Variants in ABCG1 observed in about 807,000 individuals in gnomAD.
The protein encoded by ABCG1 is ATP-binding cassette sub-family G member 1.
Under a neutral mutation model 69.2 loss-of-function variants are expected in ABCG1, and 29 were observed. The observed-to-expected ratio is 0.42, with a 90% CI of 0.31 to 0.57. The LOEUF is 0.57. Among genes scored for constraint, ABCG1 ranks in the 20% least tolerant of loss-of-function variants. ABCG1 has a pLI of 0.15. For missense variants in ABCG1, 718 were observed against 898.1 expected (o/e 0.80, Z 2.56); for synonymous variants, 370 against 374.8 (o/e 0.99, Z 0.15).
chr21:42,226,074 A>G (rs1399046831), intron 2 of ABCG1, among the ~76,000 whole-genome samples, 160 bp downstream of exon 2: 1 of 151,856 alleles, frequency 6.6e-6, no homozygotes, highest in African/African-American at 2.4e-5. Context: ...TTCTGCCTGA[A>G]TTTTCCTCTC....
intron 2 of ABCG1, chr21:42,256,057 C>A (rs1246407158): frequency 4.0e-6 from 4 of 999,668 alleles, no homozygotes; most frequent in Non-Finnish European, 5.2e-6. Context: ...AGTCAGGTGC[C>A]TTGACTTGGA....
At position 42,273,441 on chromosome 21, in the gene ABCG1, C is replaced by T. The variant is rs771182864; in HGVS notation, c.537+6C>T. The T allele has an allele frequency of 3.1e-6, 5 of 1,612,326 alleles. No homozygotes were observed. In the South Asian group the frequency reaches 5.5e-5, roughly 18 times the overall value. ...CTGTGCAGGAGGCCATGATGGTGAGCTCCGCCCTGCCCCGCCCCACTCCGC... is the reference window on the plus strand; with the variant it reads ...CTGTGCAGGAGGCCATGATGGTGAGTTCCGCCCTGCCCCGCCCCACTCCGC... On this transcript the variant is annotated splice_donor_region_variant and intron_variant, in intron 4 of 14. Transcript: ENST00000398449. This position sits in a 1 kb window ranked among gnomAD's most constrained non-coding sequence, Gnocchi z 5.3.
At chr21:42,240,400 T>C (rs1399220869) in intron 2 of ABCG1, among the ~76,000 whole-genome samples, 1 of 152,264 alleles carries the variant, frequency 6.6e-6, no homozygotes, top group Admixed American at 6.5e-5. Flanking sequence ...TTCAGTGAAC[T>C]TGAAACATTA....
intron 5 of ABCG1, among the ~76,000 whole-genome samples, chr21:42,281,315 G>A (rs1181702186): frequency 6.6e-6 from 1 of 152,186 alleles, no homozygotes; most frequent in African/African-American, 2.4e-5. Flanking sequence ...AATGCTGGAG[G>A]GAGCTCCAGG....
chr21:42,291,592 C>A lies in ABCG1; in HGVS notation c.1589C>A (p.Thr530Asn). The part of the protein sequence containing the change: ...VRFVLFAALG[T>N]MTSLVAQSLG... ...TTTGTGCTGTTTGCCGCGCTGGGCACCATGACCTCCCTGGTGGCACAGTCC... is the reference window on the plus strand; with the variant it reads ...TTTGTGCTGTTTGCCGCGCTGGGCAACATGACCTCCCTGGTGGCACAGTCC... Residue 530 changes from threonine (T) to asparagine (N), a missense_variant, in exon 13 of 15, where the codon ACC (threonine) becomes AAC (asparagine). By Grantham distance (65) the Thr-to-Asn change is moderately conservative (BLOSUM62 0). Transcript: ENST00000398449. The surrounding 1 kb of genome is among the most constrained non-coding windows in gnomAD (Gnocchi z 6.4). 1 of 1,611,564 alleles carries A rather than the reference C, an allele frequency of 6.2e-7. No homozygotes were observed. Among genetic ancestry groups the A allele is most frequent in the East Asian group, 2.2e-5 (1 of 44,872 alleles).
rs746040064 is a variant in ABCG1 at position 42,291,481 on chromosome 21, C to T, written c.1495-17C>T. ...GGGAAGCGGCTGAGCCCGCGGCTGA[C>T]GGGTCCTTGTTTCCAGATCATGTTC... On this transcript the variant is annotated splice_polypyrimidine_tract_variant and intron_variant, in intron 12 of 14. Transcript: ENST00000398449. This position sits in a 1 kb window ranked among gnomAD's most constrained non-coding sequence, Gnocchi z 6.4. The T allele has an allele frequency of 1.8e-5, 28 of 1,599,478 alleles. 1 individual carries two copies. The highest frequency in any genetic ancestry group is 6.7e-5 in the Admixed American group (4 of 59,530).
At chr21:42,257,154 A>G (rs1277438372) in intron 2 of ABCG1, among the ~76,000 whole-genome samples, 1 of 152,208 alleles carries the variant, frequency 6.6e-6, no homozygotes, top group African/African-American at 2.4e-5. Context: ...GAACTTGCCC[A>G]AGGTCACACG....
intron 2 of ABCG1, among the ~76,000 whole-genome samples, chr21:42,207,228 T>C (rs1024305180): frequency 6.6e-6 from 1 of 152,208 alleles, no homozygotes. Flanking sequence ...GATCTGTATA[T>C]ACAGTCCTAC....
chr21:42,287,539 C>A lies in ABCG1; in HGVS notation c.974-350C>A, dbSNP rs577783051. Among the ~76,000 whole-genome samples, 2 of 152,222 alleles carry A rather than the reference C, an allele frequency of 1.3e-5. No homozygotes were observed. The highest frequency in any genetic ancestry group is 4.8e-5 in the African/African-American group (2 of 41,446). ...AGGAGTCCCTCAGGGAGGAGTCCTTCGTTCTGCTCCCTTCCCAGCTCCACC... is the reference window on the plus strand; with the variant it reads ...AGGAGTCCCTCAGGGAGGAGTCCTTAGTTCTGCTCCCTTCCCAGCTCCACC... On this transcript the variant is annotated intron_variant, in intron 8 of 14. Transcript: ENST00000398449. The surrounding 1 kb of genome is among the most constrained non-coding windows in gnomAD (Gnocchi z 6.2).
intron 2 of ABCG1, among the ~76,000 whole-genome samples, chr21:42,203,989 T>C (rs1355469304): frequency 2.6e-5 from 4 of 152,242 alleles, no homozygotes; most frequent in Non-Finnish European, 1.5e-5. Context: ...CTACTAAGTA[T>C]TGAATTTTGT....
At chr21:42,256,027 C>A in intron 2 of ABCG1, 1 of 616,630 alleles carries the variant, frequency 1.6e-6, no homozygotes, top group Non-Finnish European at 2.4e-6. Flanking sequence ...CAGTAGCAGC[C>A]ATTAGGGGGA....
intron 4 of ABCG1, among the ~76,000 whole-genome samples, chr21:42,275,816 G>A (rs549486258): frequency 1.3e-5 from 2 of 152,374 alleles, no homozygotes; most frequent in South Asian, 2.1e-4. Context: ...TGTCTCACAC[G>A]GAGGAGATAT....
At chr21:42,253,683 T>C (rs1445939499) in intron 2 of ABCG1, among the ~76,000 whole-genome samples, 1 of 152,132 alleles carries the variant, frequency 6.6e-6, no homozygotes, top group Non-Finnish European at 1.5e-5. Context: ...ACCGTGCCAC[T>C]GTGCCCCTTG....
At chr21:42,282,958 G>GGCTC (rs2068840515) in intron 6 of ABCG1, among the ~76,000 whole-genome samples, 1 of 152,146 alleles carries the variant, frequency 6.6e-6, no homozygotes, top group Non-Finnish European at 1.5e-5. Flanking sequence ...CCTTTCCTGG[G>GGCTC]TGATGCCCTT....
chr21:42,289,665 G>C (rs1438588191), intron 10 of ABCG1, among the ~76,000 whole-genome samples: 8 of 152,202 alleles, frequency 5.3e-5, no homozygotes, highest in Admixed American at 5.2e-4. Flanking sequence ...GCCGTCCACA[G>C]CAGAGTTCTT....
chr21:42,293,855 A>T (rs1214211470), intron 13 of ABCG1, among the ~76,000 whole-genome samples: 1 of 141,898 alleles, frequency 7.0e-6, no homozygotes, highest in Non-Finnish European at 1.5e-5. Flanking sequence ...CACTAGAAAC[A>T]TCACACACTA....
Position 42,288,173 on chromosome 21 carries a change from C to G in ABCG1, c.1123-38C>G. 6.2e-7 allele frequency: 1 copy of G among 1,611,248 alleles called. No homozygotes were observed. The highest frequency in any genetic ancestry group is 2.2e-5 in the East Asian group (1 of 44,856). On this transcript the variant is annotated intron_variant, in intron 9 of 14. Transcript: ENST00000398449. The surrounding 1 kb of genome is among the most constrained non-coding windows in gnomAD (Gnocchi z 4.8). ...AGCAAGAAGGAGCCGTGGCTCCGGACTGGCTTTCACCCGCTCCCCTCTTGC... is the reference window on the plus strand; with the variant it reads ...AGCAAGAAGGAGCCGTGGCTCCGGAGTGGCTTTCACCCGCTCCCCTCTTGC...
At chr21:42,241,635 A>G (rs1478952217) in intron 2 of ABCG1, among the ~76,000 whole-genome samples, 2 of 149,696 alleles carry the variant, frequency 1.3e-5, no homozygotes, top group Non-Finnish European at 3.0e-5. Flanking sequence ...AAAAAACAAA[A>G]CCCAAAATCC....
chr21:42,222,783 T>C (rs1325649594), intron 1 of ABCG1, among the ~76,000 whole-genome samples: 1 of 152,258 alleles, frequency 6.6e-6, no homozygotes, highest in Non-Finnish European at 1.5e-5. Context: ...CACTATTGTT[T>C]ATAATCACTT....
Sources: gnomAD v4.1 joint callset for allele counts (sites outside exome capture counted in the v4.1 genomes callset) on GRCh38, gnomAD v4.1.1 for gene constraint, Gnocchi (gnomAD v3.1) non-coding constraint, MANE v1.5 for transcripts, NCBI Gene and HGNC (gene_info 2026-07-23, HGNC 2026-07-21) for gene names.